Variants in SNX29 observed in about 807,000 individuals in gnomAD.
SNX29 encodes sorting nexin-29.
A neutral mutation model predicts 102.1 loss-of-function variants in SNX29; 78 were observed. The ratio of observed to expected loss-of-function variants is 0.76; its 90% confidence interval spans 0.64 to 0.92. The LOEUF (loss-of-function observed/expected upper bound fraction) is 0.92, where lower values mean the gene tolerates loss of function less well. SNX29 is among the 40% of genes least tolerant of loss of function. The pLI is 0.00. For missense variants in SNX29, 1,280 were observed against 1,061.7 expected, an observed-to-expected ratio of 1.21 and a Z score of -2.86; for synonymous variants, 580 against 414.5, an observed-to-expected ratio of 1.40 and a Z score of -4.85.
chr16:12,199,574 A>G (rs1275416434), intron 13 of SNX29, 27 bp from the exon 14 acceptor site: 2 of 1,582,564 alleles, frequency 1.3e-6, no homozygotes, highest in African/African-American at 2.7e-5. Context: ...TTAAATATAT[A>G]TTTTTTTAAC....
At chr16:12,364,929 C>T (rs929766530) in intron 16 of SNX29, among the ~76,000 whole-genome samples, 7 of 152,166 alleles carry the variant, frequency 4.6e-5, no homozygotes, top group Admixed American at 3.9e-4. Flanking sequence ...ATGAGGGAAC[C>T]ACCCTTTGGC....
rs1217218229 is a variant in SNX29, at chr16:12,573,485, C to G, written c.*4856C>G. The G allele has an allele frequency of 4.5e-6, 1 of 224,242 alleles. No individual in the cohort carries two copies. The highest frequency in any genetic ancestry group is 8.9e-6 in the Non-Finnish European group (1 of 112,468). 13.9% of individuals were successfully genotyped at this position (224,242 alleles called of 1,614,324 possible). On this transcript the variant is annotated 3_prime_UTR_variant, in exon 21 of 21. Transcript: ENST00000566228. ...GGAGCAGCGCTGCTGGCGGAAGATT[C>G]TAGATTCACTGGTGGTTTAAGAGGC...
chr16:12,535,291 A>C (rs2077043454), intron 20 of SNX29, among the ~76,000 whole-genome samples: 1 of 152,184 alleles, frequency 6.6e-6, no homozygotes, highest in African/African-American at 2.4e-5. Flanking sequence ...GGCATGTGCC[A>C]CCATGCCCAG....
At chr16:12,371,169 G>A (rs552483778) in intron 16 of SNX29, among the ~76,000 whole-genome samples, 27 of 152,332 alleles carry the variant, frequency 1.8e-4, no homozygotes, top group African/African-American at 6.3e-4. Flanking sequence ...CCAGCCAGGC[G>A]TTGGGGATCA....
chr16:12,459,077 G>T (rs1023955063), intron 18 of SNX29, among the ~76,000 whole-genome samples: 1 of 37,890 alleles, frequency 2.6e-5, no homozygotes, highest in Non-Finnish European at 4.8e-5. Flanking sequence ...CCTCCTCCCC[G>T]GTCCACTCCC....
chr16:12,104,672 G>A (rs1705926422), intron 11 of SNX29, among the ~76,000 whole-genome samples: 1 of 152,144 alleles, frequency 6.6e-6, no homozygotes, highest in Non-Finnish European at 1.5e-5. Context: ...TTAGCTGTGG[G>A]TTGGGGCCAT....
chr16:12,413,715 G>A (rs1486040412), intron 18 of SNX29, among the ~76,000 whole-genome samples: 2 of 152,200 alleles, frequency 1.3e-5, no homozygotes, highest in Non-Finnish European at 2.9e-5. Flanking sequence ...TTGAGCATAC[G>A]CAGGCGCTGG....
chr16:12,061,281 C>G (rs1302904399), intron 8 of SNX29, among the ~76,000 whole-genome samples: 1 of 152,206 alleles, frequency 6.6e-6, no homozygotes, highest in East Asian at 1.9e-4. Context: ...TTCACTGGCT[C>G]TTTTGCCACC....
chr16:12,441,262 T>G (rs1291849697), intron 18 of SNX29, among the ~76,000 whole-genome samples: 1 of 151,910 alleles, frequency 6.6e-6, no homozygotes, highest in Non-Finnish European at 1.5e-5. Context: ...TGATTTTTTT[T>G]TATTTTTGGT....
intron 18 of SNX29, among the ~76,000 whole-genome samples, chr16:12,446,154 C>G (rs908477220): frequency 6.7e-6 from 1 of 149,518 alleles, no homozygotes; most frequent in African/African-American, 2.5e-5. Context: ...CTCTTGGGCT[C>G]AAGCAGTTGT....
chr16:12,195,365 C>T (rs1305182894), intron 13 of SNX29, among the ~76,000 whole-genome samples: 1 of 152,180 alleles, frequency 6.6e-6, no homozygotes, highest in Non-Finnish European at 1.5e-5. Flanking sequence ...TGAGACTTCT[C>T]TTTCTTTTCT....
At chr16:12,323,190 A>ATTTTGG (rs2081008015) in intron 15 of SNX29, among the ~76,000 whole-genome samples, 1 of 129,080 alleles carries the variant, frequency 7.7e-6, no homozygotes, top group African/African-American at 2.9e-5. Context: ...ACCGGGGACC[A>ATTTTGG]CTGTCAGGAT....
At chr16:11,978,925 A>G (rs994925371) in intron 1 of SNX29, among the ~76,000 whole-genome samples, 1 of 146,570 alleles carries the variant, frequency 6.8e-6, no homozygotes, top group Non-Finnish European at 1.5e-5. Context: ...ACTTCGTCTC[A>G]AAACAAACAA....
chr16:12,474,786 G>T (rs1014436362), intron 18 of SNX29, among the ~76,000 whole-genome samples: 8 of 152,328 alleles, frequency 5.3e-5, no homozygotes, highest in African/African-American at 1.7e-4. Flanking sequence ...CACTTCCGTG[G>T]TTTCCCTTGT....
intron 15 of SNX29, among the ~76,000 whole-genome samples, chr16:12,347,453 C>G (rs1347421389): frequency 6.6e-6 from 1 of 152,106 alleles, no homozygotes. Flanking sequence ...ATGGGAGATG[C>G]AGGACCATGA....
intron 14 of SNX29, among the ~76,000 whole-genome samples, chr16:12,245,677 C>T (rs1219914314): frequency 6.6e-6 from 1 of 152,108 alleles, no homozygotes; most frequent in African/African-American, 2.4e-5. Context: ...TAGAACTAGT[C>T]ACAGGCCTTG....
chr16:12,083,503 C>T (rs530690460), intron 11 of SNX29, among the ~76,000 whole-genome samples: 61 of 152,114 alleles, frequency 4.0e-4, no homozygotes, highest in Non-Finnish European at 8.1e-4. Flanking sequence ...ATAAGGGCAC[C>T]GGTCCTGTGG....
chr16:12,109,151 A>AAAAAAAAAAG (rs1567213808), intron 11 of SNX29, among the ~76,000 whole-genome samples: 2 of 151,430 alleles, frequency 1.3e-5, no homozygotes, highest in African/African-American at 4.8e-5. Flanking sequence ...AAAAAAAAAA[A>AAAAAAAAAAG]AAAAGAAAAG....
chr16:12,055,421 G>A (rs2050480053), intron 8 of SNX29, among the ~76,000 whole-genome samples: 1 of 151,964 alleles, frequency 6.6e-6, no homozygotes, highest in Non-Finnish European at 1.5e-5. Context: ...AGTAGAGATG[G>A]GGTTTTACCC....
Sources: gnomAD v4.1 joint callset for allele counts (sites outside exome capture counted in the v4.1 genomes callset) on GRCh38, gnomAD v4.1.1 for gene constraint, MANE v1.5 for transcripts, NCBI Gene and HGNC (gene_info 2026-07-23, HGNC 2026-07-21) for gene names.